Variants in GNAT3 observed in about 807,000 individuals in gnomAD.
GNAT3 encodes the protein guanine nucleotide-binding protein G(t) subunit alpha-3.
In GNAT3, 31 loss-of-function variants were observed where a neutral mutation model predicts 37.7. The observed-to-expected ratio is 0.82, with a 90% CI of 0.62 to 1.11. The LOEUF (loss-of-function observed/expected upper bound fraction) is 1.11. GNAT3 is among the 50% of genes most tolerant of loss of function. The pLI, the probability that GNAT3 is intolerant of heterozygous loss-of-function variation, is 0.00. For synonymous variants in GNAT3, 138 were observed against 139.8 expected (o/e 0.99, Z 0.09); for missense variants, 437 against 412.5 (o/e 1.06, Z -0.51).
chr7:80,486,455 T>G (rs1014358795), intron 3 of GNAT3: 3 of 151,986 alleles, frequency 2.0e-5, no homozygotes, highest in African/African-American at 7.2e-5. Context: ...TCTCACTTTT[T>G]TTTTTTTCAA....
At chr7:80,459,071 G>A in intron 7 of GNAT3, among the ~76,000 whole-genome samples, 1 of 152,070 alleles carries the variant, frequency 6.6e-6, no homozygotes, top group East Asian at 1.9e-4. Context: ...GCATCAAAAA[G>A]CTCAAAATAC....
intron 3 of GNAT3, among the ~76,000 whole-genome samples, chr7:80,481,423 C>A (rs182431203): frequency 2.9e-4 from 44 of 152,230 alleles, no homozygotes; most frequent in Non-Finnish European, 5.1e-4. Flanking sequence ...GGAATTCAGG[C>A]ATAACTCACC....
intron 5 of GNAT3, among the ~76,000 whole-genome samples, chr7:80,470,114 C>T (rs1210661558): frequency 1.3e-5 from 2 of 152,000 alleles, no homozygotes; most frequent in South Asian, 2.1e-4. Flanking sequence ...CCTTTAATAA[C>T]ATTGTCTTGA....
At chr7:80,500,386 C>A (rs1437319365) in intron 1 of GNAT3, among the ~76,000 whole-genome samples, 1 of 151,990 alleles carries the variant, frequency 6.6e-6, no homozygotes. Context: ...TGCTTATTTG[C>A]GGCAAGCATT....
chr7:80,493,220 A>G (rs12535970), intron 2 of GNAT3, among the ~76,000 whole-genome samples: 17,943 of 152,106 alleles, frequency 0.12, 1,227 homozygotes, highest in African/African-American at 0.19. Context: ...AGGTTCAAGC[A>G]TGATCACAGC....
intron 2 of GNAT3, among the ~76,000 whole-genome samples, chr7:80,489,804 G>A (rs916470279): frequency 6.6e-6 from 1 of 152,034 alleles, no homozygotes; most frequent in Non-Finnish European, 1.5e-5. Flanking sequence ...TCAAGAATAA[G>A]TTTATTAAAG....
chr7:80,473,565 G>A (rs547891197), intron 5 of GNAT3, among the ~76,000 whole-genome samples: 5 of 152,082 alleles, frequency 3.3e-5, no homozygotes, highest in African/African-American at 1.2e-4. Flanking sequence ...GCTAGAACCT[G>A]CTATTAATGT....
intron 2 of GNAT3, among the ~76,000 whole-genome samples, chr7:80,494,148 A>T (rs1790668406): frequency 6.6e-6 from 1 of 152,186 alleles, no homozygotes; most frequent in Non-Finnish European, 1.5e-5. Flanking sequence ...TTTCATTATA[A>T]AAAGGAAAAA....
chr7:80,495,980 T>G (rs1790709432), intron 1 of GNAT3, among the ~76,000 whole-genome samples: 1 of 152,178 alleles, frequency 6.6e-6, no homozygotes. Flanking sequence ...AGCTTGCAAA[T>G]GTTTTCTCCC....
chr7:80,458,882 A>C, intron 7 of GNAT3, 21 bp from the exon 8 acceptor site: 1 of 1,444,470 alleles, frequency 6.9e-7, no homozygotes, highest in Non-Finnish European at 9.4e-7. Context: ...AAAATATTTG[A>C]AGAAGTAAAG....
chr7:80,465,631 T>C (rs1790117356), intron 5 of GNAT3, among the ~76,000 whole-genome samples: 1 of 152,108 alleles, frequency 6.6e-6, no homozygotes, highest in South Asian at 2.1e-4. Flanking sequence ...GGTGCACAAC[T>C]AGTACTAGTG....
At chr7:80,460,632 C>T (rs1790032749) in intron 7 of GNAT3, among the ~76,000 whole-genome samples, 1 of 151,982 alleles carries the variant, frequency 6.6e-6, no homozygotes, top group African/African-American at 2.4e-5. Flanking sequence ...CCTGTAATCC[C>T]AGCTACTCGG....
At chr7:80,462,656 A>T (rs1465208071) in intron 5 of GNAT3, 25 bp from the exon 6 acceptor site, 1 of 1,595,976 alleles carries the variant, frequency 6.3e-7, no homozygotes, top group Admixed American at 1.7e-5. Context: ...CAAATGAATA[A>T]TAAATCTTGC....
At chr7:80,494,496 G>T in intron 2 of GNAT3, 109 bp downstream of exon 2, 1 of 656,028 alleles carries the variant, frequency 1.5e-6, no homozygotes, top group Non-Finnish European at 2.7e-6. Context: ...TATGATCCAT[G>T]ATTTAGAAAA....
At chr7:80,505,516 G>T (rs1164104403) in intron 1 of GNAT3, among the ~76,000 whole-genome samples, 1 of 152,020 alleles carries the variant, frequency 6.6e-6, no homozygotes, top group South Asian at 2.1e-4. Context: ...ACAGGCGCCC[G>T]CCAACACGCC....
chr7:80,485,926 T>C (rs1024484002), intron 3 of GNAT3, among the ~76,000 whole-genome samples: 1 of 152,158 alleles, frequency 6.6e-6, no homozygotes, highest in African/African-American at 2.4e-5. Context: ...TCCAAACTTA[T>C]AGACCCAGTG....
rs191103856 is a variant in GNAT3 at position 80,503,552 on chromosome 7, T to G, written c.118+8257A>C. 1.6e-4 allele frequency among the ~76,000 whole-genome samples: 25 copies of G among 152,236 alleles called. No homozygotes were observed. In the East Asian group the frequency reaches 4.8e-3, roughly 29 times the overall value. On this transcript the variant is annotated intron_variant, in intron 1 of 7. Transcript: ENST00000398291. ...AAGCAGTAAAGAGAAAAATATGAGA[T>G]TTATGCCAATAGAGATAGAGCTAAA...
At chr7:80,471,474 A>G (rs1451889929) in intron 5 of GNAT3, among the ~76,000 whole-genome samples, 2 of 151,818 alleles carry the variant, frequency 1.3e-5, no homozygotes, top group Non-Finnish European at 2.9e-5. Flanking sequence ...AATGACCATG[A>G]TTTTCTGAGG....
chr7:80,491,040 T>C (rs988878661), intron 2 of GNAT3, among the ~76,000 whole-genome samples: 9 of 152,098 alleles, frequency 5.9e-5, no homozygotes, highest in South Asian at 2.1e-4. Context: ...ATTCAGGAGA[T>C]AAAATCAGCT....
Sources: gnomAD v4.1 joint callset for allele counts (sites outside exome capture counted in the v4.1 genomes callset) on GRCh38, gnomAD v4.1.1 for gene constraint, MANE v1.5 for transcripts, NCBI Gene and HGNC (gene_info 2026-07-23, HGNC 2026-07-21) for gene names.